Variants in CR1 observed in about 807,000 individuals in gnomAD.
CR1 encodes complement receptor type 1.
CR1 carries 116 observed loss-of-function variants against 187.3 expected under a neutral mutation model. The ratio of observed to expected loss-of-function variants is 0.62; its 90% CI spans 0.53 to 0.72. The LOEUF is 0.72. CR1 is among the 30% of genes least tolerant of loss of function. The pLI is 0.00. For synonymous variants in CR1, 576 were observed against 747.1 expected (o/e 0.77, Z 3.73); for missense variants, 1,731 against 2,110.7 (o/e 0.82, Z 3.52).
chr1:207,506,416 A>G (rs1451716253), intron 2 of CR1, among the ~76,000 whole-genome samples: 3 of 152,248 alleles, frequency 2.0e-5, no homozygotes, highest in South Asian at 2.1e-4. Context: ...AGATGTGACA[A>G]TCTTGGGCTT....
At position 207,609,346 on chromosome 1, in the gene CR1, A is replaced by G; in HGVS notation, c.5953A>G (p.Arg1985Gly). 1 of 1,614,018 alleles carries G rather than the reference A, an allele frequency of 6.2e-7. No individual in the cohort carries two copies. The stretch of plus-strand genomic sequence containing the variant: ...CAATGGAGACTTCTACAGCAACAAT[A>G]GAACATCTTTTCACAATGGAACGGT... ...ISNGDFYSNN[R>G]TSFHNGTVVT... The change falls in exon 37 of 47, where the codon AGA becomes GGA. Residue 1985 changes from arginine (R) to glycine (G), a missense_variant. Arg to Gly is a moderately radical substitution (Grantham distance 125, BLOSUM62 -2). Around this residue, in one of 5 missense-constraint regions of CR1, gnomAD observed 1,312 missense variants for 1,379.6 expected, o/e 0.95. Coordinates refer to ENST00000367049, the MANE Select transcript of CR1 (RefSeq NM_000651.6).
At chr1:207,526,727 G>T (rs1660184815) in intron 5 of CR1, 26 bp from the exon 6 acceptor site, 1 of 1,499,026 alleles carries the variant, frequency 6.7e-7, no homozygotes, top group African/African-American at 1.9e-5. Flanking sequence ...CACACAATTA[G>T]CTGTACTTTG....
At chr1:207,526,624 T>G (rs1660181624) in intron 5 of CR1, 129 bp from the exon 6 acceptor site, 3 of 1,447,596 alleles carry the variant, frequency 2.1e-6, no homozygotes, top group Admixed American at 4.8e-5. Flanking sequence ...AGTTTATCAA[T>G]GTAATAAGGC....
chr1:207,518,627 C>T (rs1459573382), intron 4 of CR1, among the ~76,000 whole-genome samples: 1 of 152,212 alleles, frequency 6.6e-6, no homozygotes, highest in African/African-American at 2.4e-5. Flanking sequence ...TCCAGGCTTC[C>T]TTCCAGTGGC....
At chr1:207,574,295 G>A (rs1388170742) in intron 27 of CR1, among the ~76,000 whole-genome samples, 2 of 152,186 alleles carry the variant, frequency 1.3e-5, no homozygotes, top group African/African-American at 4.8e-5. Flanking sequence ...GAAATAAAAT[G>A]TGAAAATATA....
At position 207,607,495 on chromosome 1, in the gene CR1, T is replaced by G. The variant is rs757473036; in HGVS notation, c.5896+159T>G. Among the ~76,000 whole-genome samples, 100 of 152,312 alleles carry G rather than the reference T, an allele frequency of 6.6e-4. 1 individual carries two copies. The highest frequency in any genetic ancestry group is 8.7e-4 in the Non-Finnish European group (59 of 68,012). ...TGGTCTTCCTGGCTTTTCTTTATCTTAAAAGGTGATTTATCTGAAACTGTG... is the reference window on the plus strand; with the variant it reads ...TGGTCTTCCTGGCTTTTCTTTATCTGAAAAGGTGATTTATCTGAAACTGTG... On this transcript the variant is annotated intron_variant, in intron 36 of 46. Transcript: ENST00000367049.
At chr1:207,622,307 C>T (rs890670854) in intron 44 of CR1, among the ~76,000 whole-genome samples, 3 of 152,150 alleles carry the variant, frequency 2.0e-5, no homozygotes, top group African/African-American at 7.2e-5. Context: ...GAGAATGCAA[C>T]TTCTTCTTTC....
chr1:207,576,774 C>T (rs1346396222), intron 28 of CR1, among the ~76,000 whole-genome samples: 14 of 152,044 alleles, frequency 9.2e-5, no homozygotes, highest in African/African-American at 1.4e-4. Flanking sequence ...GAGCCATGAT[C>T]GTGCCACTGC....
intron 21 of CR1, among the ~76,000 whole-genome samples, chr1:207,562,581 GA>G (rs1368358250): frequency 3.7e-5 from 1 of 27,180 alleles, no homozygotes; most frequent in East Asian, 1.3e-3. Flanking sequence ...ATTGCTGCCA[GA>G]ATGCAGCTGA....
intron 1 of CR1, 59 bp downstream of exon 1, chr1:207,496,447 A>G (rs1659088652): frequency 6.6e-7 from 1 of 1,526,340 alleles, no homozygotes; most frequent in South Asian, 1.2e-5. Flanking sequence ...GGGGCCCCGC[A>G]GAGAACTCGC....
chr1:207,639,268 C>G, intron 46 of CR1, 129 bp from the exon 47 acceptor site: 1 of 761,538 alleles, frequency 1.3e-6, no homozygotes, highest in South Asian at 1.9e-5. Context: ...CTAACTTGTC[C>G]TCCTAAAGCA....
chr1:207,604,524 G>A (rs1661691753), intron 35 of CR1, among the ~76,000 whole-genome samples: 1 of 152,166 alleles, frequency 6.6e-6, no homozygotes, highest in Admixed American at 6.5e-5. Flanking sequence ...ATCTAGCTTA[G>A]CTTTTCAGAT....
chr1:207,502,694 G>A (rs145738951), intron 1 of CR1, among the ~76,000 whole-genome samples: 10 of 152,340 alleles, frequency 6.6e-5, no homozygotes, highest in African/African-American at 2.4e-4. Context: ...ATGGATACAG[G>A]CTGTCTGGGA....
rs571567255 is a variant in CR1 at position 207,581,863 on chromosome 1, C to T, written c.5217-55C>T. ...TCAGGGAGGAGGTTGAGATCTGTCA[C>T]GAAGGGAAGAGAGAAATGGTGCATT... is the stretch of plus-strand genomic sequence containing the variant. On this transcript the variant is annotated intron_variant, in intron 31 of 46. Coordinates refer to ENST00000367049, the MANE Select transcript of CR1 (RefSeq NM_000651.6). The T allele has an allele frequency of 6.5e-5, 80 of 1,238,804 alleles. 1 individual carries two copies. The East Asian group carries it at 1.1e-3, about 17-fold the overall frequency. The allele number at this position is 1,238,804 out of a possible 1,614,324, so 76.7% of individuals were successfully genotyped here.
chr1:207,588,232 G>A (rs959053175), intron 34 of CR1, among the ~76,000 whole-genome samples: 1 of 152,192 alleles, frequency 6.6e-6, no homozygotes, highest in Non-Finnish European at 1.5e-5. Flanking sequence ...AGGCCGGAGT[G>A]TAGTGGCGCG....
intron 40 of CR1, 73 bp downstream of exon 40, chr1:207,614,562 A>T: frequency 8.4e-7 from 1 of 1,194,202 alleles, no homozygotes; most frequent in Non-Finnish European, 1.2e-6. Flanking sequence ...TCCGCATGGC[A>T]TCACCTGTTG....
At chr1:207,593,555 A>T (rs1661340756) in intron 35 of CR1, among the ~76,000 whole-genome samples, 1 of 152,230 alleles carries the variant, frequency 6.6e-6, no homozygotes, top group Non-Finnish European at 1.5e-5. Flanking sequence ...ATGGGCAAAG[A>T]CTTCATTACT....
chr1:207,506,756 T>C lies in CR1; in HGVS notation c.344T>C (p.Val115Ala), dbSNP rs3991747. The C allele has an allele frequency of 1.7e-5, 27 of 1,613,642 alleles. No individual in the cohort carries two copies. Among genetic ancestry groups the C allele is most frequent in the African/African-American group, 4.0e-5 (3 of 74,904 alleles). Residue 115 changes from valine to alanine, a missense_variant, in exon 3 of 47, where the codon GTG becomes GCG. Val to Ala is a moderately conservative substitution (Grantham distance 64, BLOSUM62 0). Transcript: ENST00000367049. Reference protein sequence around the residue: ...RNPPDPVNGMVHVIKGIQFGS... With the variant: ...RNPPDPVNGMAHVIKGIQFGS... ...CCTCCAGATCCTGTGAATGGCATGG[T>C]GCATGTGATCAAAGGCATCCAGTTC...
intron 36 of CR1, among the ~76,000 whole-genome samples, chr1:207,607,774 G>A (rs1661795657): frequency 6.6e-6 from 1 of 152,070 alleles, no homozygotes; most frequent in Admixed American, 6.6e-5. Flanking sequence ...ATCATTTTGA[G>A]TTCTAATCCT....
Sources: allele counts gnomAD v4.1 joint callset (sites outside exome capture counted in the v4.1 genomes callset), GRCh38; gene constraint gnomAD v4.1.1; regional missense constraint gnomAD v4.1.1; transcripts MANE v1.5; gene names NCBI Gene and HGNC (gene_info 2026-07-23, HGNC 2026-07-21).